Variants in DMD observed in about 807,000 individuals in gnomAD.
DMD encodes the protein dystrophin.
In DMD, 63 loss-of-function variants were observed where a neutral mutation model predicts 330.1. The ratio of observed to expected loss-of-function variants is 0.19; its 90% CI spans 0.16 to 0.24. The LOEUF is 0.24. Ranked by LOEUF, DMD falls within the 10% of genes least tolerant of loss-of-function variation. The probability of loss-of-function intolerance (pLI) is 1.00; values close to 1 mark genes in which losing one functional copy is unlikely to be tolerated. For missense variants in DMD, 3,344 were observed against 2,684.1 expected (o/e 1.25, Z -5.43); for synonymous variants, 1,223 against 959.8 (o/e 1.27, Z -5.07).
chrX:32,233,599 T>TTTTC (rs2097176529), intron 43 of DMD, among the ~76,000 whole-genome samples: 2 of 87,960 alleles, frequency 2.3e-5, no homozygotes, highest in South Asian at 1.1e-3. Flanking sequence ...TTTCTTTTTC[T>TTTTC]TTTATTTATT....
chrX:32,111,201 G>A, intron 44 of DMD, among the ~76,000 whole-genome samples: 1 of 111,885 alleles, frequency 8.9e-6, no homozygotes. Context: ...TATACAGAGG[G>A]ATGGAAAAAA....
intron 1 of DMD, among the ~76,000 whole-genome samples, chrX:33,321,750 T>C (rs1368885938): frequency 8.9e-6 from 1 of 112,529 alleles, no homozygotes; most frequent in Non-Finnish European, 1.9e-5. Context: ...TAGAAGGCTA[T>C]TTCATCTACA....
intron 1 of DMD, among the ~76,000 whole-genome samples, chrX:33,264,373 T>G (rs1480953744): frequency 9.0e-6 from 1 of 111,598 alleles, no homozygotes; most frequent in Non-Finnish European, 1.9e-5. Context: ...TAGAAAGATG[T>G]GTTCTAATCT....
chrX:31,253,231 G>C (rs2049586457), intron 63 of DMD, among the ~76,000 whole-genome samples: 1 of 112,161 alleles, frequency 8.9e-6, no homozygotes, highest in African/African-American at 3.2e-5. Flanking sequence ...ACCAAAGCTG[G>C]CATCTGAATC....
intron 29 of DMD, among the ~76,000 whole-genome samples, chrX:32,430,500 A>G (rs919395488): frequency 6.3e-5 from 7 of 111,687 alleles, no homozygotes; most frequent in African/African-American, 2.3e-4. Flanking sequence ...ACCTCAATCT[A>G]TGACATAAAC....
chrX:32,817,599 T>C (rs1298244858), intron 5 of DMD, among the ~76,000 whole-genome samples: 1 of 112,132 alleles, frequency 8.9e-6, no homozygotes, highest in Non-Finnish European at 1.9e-5. Context: ...AAGACATCTA[T>C]GTAAAAGTGA....
At chrX:31,759,029 T>C (rs961123581) in intron 51 of DMD, among the ~76,000 whole-genome samples, 1 of 111,925 alleles carries the variant, frequency 8.9e-6, no homozygotes, top group African/African-American at 3.2e-5. Flanking sequence ...CAAACTGTAA[T>C]AGAATAGATC....
chrX:32,573,499 A>C (rs772873408), intron 15 of DMD, 31 bp downstream of exon 15: 16 of 1,111,212 alleles, frequency 1.4e-5, no homozygotes, highest in Non-Finnish European at 2.0e-5. Flanking sequence ...CTGGGTTTTT[A>C]TAAGACCATT....
intron 1 of DMD, among the ~76,000 whole-genome samples, chrX:33,176,421 TAA>T (rs67294661): frequency 0.013 from 1,233 of 97,955 alleles, 13 homozygotes; most frequent in African/African-American, 0.038. Context: ...AGAGTTAATG[TAA>T]AAAAAAAAAA....
intron 13 of DMD, among the ~76,000 whole-genome samples, chrX:32,581,612 T>C (rs936563869): frequency 8.9e-6 from 1 of 112,187 alleles, no homozygotes; most frequent in Non-Finnish European, 1.9e-5. Flanking sequence ...AAATGTAATG[T>C]TGAAATTCCA....
intron 60 of DMD, among the ~76,000 whole-genome samples, chrX:31,420,002 T>A (rs1311010462): frequency 8.9e-6 from 1 of 112,280 alleles, no homozygotes; most frequent in Non-Finnish European, 1.9e-5. Context: ...TCTTTCTTCA[T>A]CTCATTTATT....
chrX:32,807,905 G>A (rs1287317372), intron 7 of DMD, among the ~76,000 whole-genome samples: 1 of 111,591 alleles, frequency 9.0e-6, no homozygotes, highest in Non-Finnish European at 1.9e-5. Context: ...AATAACTAGA[G>A]CATACACCCC....
At chrX:32,603,371 A>T (rs2056392964) in intron 12 of DMD, among the ~76,000 whole-genome samples, 1 of 111,498 alleles carries the variant, frequency 9.0e-6, no homozygotes, top group Admixed American at 9.6e-5. Context: ...CAGTCCTAAG[A>T]TGGAAATTTA....
intron 43 of DMD, among the ~76,000 whole-genome samples, chrX:32,252,677 A>AAAT (rs2097270520): frequency 3.9e-4 from 13 of 33,567 alleles, no homozygotes; most frequent in South Asian, 1.1e-3. Context: ...TATATATATA[A>AAAT]ATATATAAAT....
chrX:31,772,407 T>C (rs757262619), intron 51 of DMD, among the ~76,000 whole-genome samples: 1 of 112,125 alleles, frequency 8.9e-6, no homozygotes, highest in East Asian at 2.8e-4. Context: ...AAATATTGTT[T>C]CCTTTGGTAA....
intron 2 of DMD, among the ~76,000 whole-genome samples, chrX:32,952,282 T>C (rs2091296881): frequency 9.1e-6 from 1 of 110,422 alleles, no homozygotes; most frequent in African/African-American, 3.3e-5. Context: ...TACAAGCATG[T>C]ACCACTGCAC....
intron 1 of DMD, among the ~76,000 whole-genome samples, chrX:33,081,465 G>T (rs2094928864): frequency 9.0e-6 from 1 of 111,491 alleles, no homozygotes; most frequent in African/African-American, 3.3e-5. Context: ...TTAGAGACGG[G>T]GTTTCACCAT....
chrX:32,479,097 C>T (rs1297927825), intron 21 of DMD, among the ~76,000 whole-genome samples: 1 of 111,157 alleles, frequency 9.0e-6, no homozygotes, highest in Non-Finnish European at 1.9e-5. Flanking sequence ...TTTCTAAAAG[C>T]AGCTCTATCC....
At chrX:31,746,707 C>T (rs145417709) in intron 51 of DMD, among the ~76,000 whole-genome samples, 1,235 of 110,679 alleles carry the variant, frequency 0.011, 13 homozygotes, top group Middle Eastern at 0.028. Context: ...CATGTGTTCA[C>T]CTTAAACAAT....
Sources: gnomAD v4.1 joint callset for allele counts (sites outside exome capture counted in the v4.1 genomes callset) on GRCh38, gnomAD v4.1.1 for gene constraint, MANE v1.5 for transcripts, NCBI Gene and HGNC (gene_info 2026-07-23, HGNC 2026-07-21) for gene names.